SLC44A5: variants seen among roughly 807,000 people sequenced by gnomAD.
SLC44A5 encodes choline transporter-like protein 5.
A neutral mutation model predicts 101.8 loss-of-function variants in SLC44A5; 57 were observed. The ratio of observed to expected loss-of-function variants is 0.56; its 90% confidence interval spans 0.45 to 0.70. SLC44A5 has a LOEUF of 0.70. Ranked by LOEUF, SLC44A5 falls within the 30% of genes least tolerant of loss-of-function variation. SLC44A5 has a pLI of 0.00. For missense variants in SLC44A5, 737 were observed against 853.1 expected (o/e 0.86, Z 1.70); for synonymous variants, 281 against 290.9 (o/e 0.97, Z 0.35).
chr1:75,498,194 C>A (rs1668773901), intron 2 of SLC44A5, among the ~76,000 whole-genome samples: 1 of 152,088 alleles, frequency 6.6e-6, no homozygotes, highest in Admixed American at 6.5e-5. Context: ...GCCATTCATT[C>A]ACTCATTCAT....
intron 6 of SLC44A5, among the ~76,000 whole-genome samples, chr1:75,266,091 TTAGA>T (rs1650962900): frequency 6.6e-6 from 1 of 152,218 alleles, no homozygotes; most frequent in East Asian, 1.9e-4. Context: ...GTCTTTTTGG[TTAGA>T]TAAAGCACAA....
intron 2 of SLC44A5, among the ~76,000 whole-genome samples, chr1:75,411,453 C>A (rs1017310672): frequency 1.3e-5 from 2 of 151,988 alleles, no homozygotes; most frequent in African/African-American, 4.8e-5. Context: ...AAAACAATAT[C>A]AATACTTCAG....
At chr1:75,281,880 A>C (rs998317850) in intron 5 of SLC44A5, among the ~76,000 whole-genome samples, 1 of 152,194 alleles carries the variant, frequency 6.6e-6, no homozygotes. Context: ...TCCAGGCAGA[A>C]GTTTGCTTTG....
At chr1:75,359,968 T>C (rs914433307) in intron 3 of SLC44A5, among the ~76,000 whole-genome samples, 1 of 152,236 alleles carries the variant, frequency 6.6e-6, no homozygotes, top group Non-Finnish European at 1.5e-5. Context: ...ATATCTTTTT[T>C]TGAGAAATGT....
intron 2 of SLC44A5, among the ~76,000 whole-genome samples, chr1:75,501,823 A>C (rs944025849): frequency 1.3e-5 from 2 of 152,234 alleles, no homozygotes; most frequent in African/African-American, 2.4e-5. Context: ...GAAATGACAG[A>C]TGCCAATGAA....
intron 11 of SLC44A5, among the ~76,000 whole-genome samples, chr1:75,235,721 C>G (rs1648014963): frequency 6.6e-6 from 1 of 152,052 alleles, no homozygotes; most frequent in African/African-American, 2.4e-5. Context: ...CATATAGTTA[C>G]ATGCATCTAT....
At chr1:75,331,572 G>T (rs1480444657) in intron 4 of SLC44A5, among the ~76,000 whole-genome samples, 1 of 152,018 alleles carries the variant, frequency 6.6e-6, no homozygotes, top group East Asian at 1.9e-4. Flanking sequence ...TCTGATTTTG[G>T]ACACTTAAAT....
intron 2 of SLC44A5, among the ~76,000 whole-genome samples, chr1:75,515,370 A>G (rs947646732): frequency 6.7e-6 from 1 of 150,246 alleles, no homozygotes; most frequent in Non-Finnish European, 1.5e-5. Flanking sequence ...ATAGATGTCA[A>G]AAAAAAAAGC....
intron 17 of SLC44A5, 120 bp from the exon 18 acceptor site, chr1:75,218,080 T>A (rs960648368): frequency 1.0e-5 from 7 of 685,486 alleles, no homozygotes; most frequent in Non-Finnish European, 1.8e-5. Flanking sequence ...AAGAGACTTT[T>A]GCACTCTCTT....
At chr1:75,599,541 A>T (rs1674850459) in intron 1 of SLC44A5, among the ~76,000 whole-genome samples, 1 of 152,178 alleles carries the variant, frequency 6.6e-6, no homozygotes, top group African/African-American at 2.4e-5. Context: ...ATTTAAATTG[A>T]TATAAGAGCA....
intron 2 of SLC44A5, among the ~76,000 whole-genome samples, chr1:75,439,672 A>G (rs748985837): frequency 6.6e-5 from 10 of 152,162 alleles, no homozygotes; most frequent in Non-Finnish European, 1.3e-4. Flanking sequence ...AAAACACAAT[A>G]TGTAATATTA....
chr1:75,469,484 TTTC>T (rs200702981), intron 2 of SLC44A5, among the ~76,000 whole-genome samples: 1,638 of 152,282 alleles, frequency 0.011, 13 homozygotes, highest in Middle Eastern at 0.034. Context: ...GTGTAGTGAA[TTTC>T]TTCTTCTTTC....
chr1:75,613,181 CAGAG>C (rs1169882338), upstream of SLC44A5, among the ~76,000 whole-genome samples: 1 of 152,174 alleles, frequency 6.6e-6, no homozygotes, highest in Non-Finnish European at 1.5e-5. Flanking sequence ...TGTAGCTAAG[CAGAG>C]AAGCAGCTCT....
At chr1:75,247,504 G>A (rs80275582) in intron 7 of SLC44A5, among the ~76,000 whole-genome samples, 7,831 of 152,154 alleles carry the variant, frequency 0.051, 248 homozygotes, top group Middle Eastern at 0.13. Context: ...TGAGAAGTCA[G>A]CAAGTAGATG....
intron 2 of SLC44A5, among the ~76,000 whole-genome samples, chr1:75,540,015 G>A (rs888198262): frequency 5.9e-5 from 9 of 151,960 alleles, no homozygotes; most frequent in African/African-American, 2.2e-4. Context: ...GGTATTGTTA[G>A]ACATGGTAGA....
rs1669208099 is a variant in SLC44A5 at position 75,505,601 on chromosome 1, T to C, written c.13+35834A>G. Among the ~76,000 whole-genome samples, 4 of 152,162 alleles carry C rather than the reference T, an allele frequency of 2.6e-5. No homozygotes were observed. The South Asian group carries it at 8.3e-4, about 32-fold the overall frequency. Reference sequence around the variant, plus strand: ...GGTTTGATTTTCATGCCTCTGATGATTAACGGTATGGAGCATTTATTCATA... The same window carrying C: ...GGTTTGATTTTCATGCCTCTGATGACTAACGGTATGGAGCATTTATTCATA... On this transcript the variant is annotated intron_variant, in intron 2 of 23. Coordinates refer to ENST00000370859, the MANE Select transcript of SLC44A5 (RefSeq NM_001130058.2).
At chr1:75,567,796 A>C (rs1672867693) in intron 1 of SLC44A5, among the ~76,000 whole-genome samples, 1 of 152,226 alleles carries the variant, frequency 6.6e-6, no homozygotes, top group African/African-American at 2.4e-5. Context: ...TTACGAGATT[A>C]TTTAAGCTTT....
intron 22 of SLC44A5, 141 bp downstream of exon 22, chr1:75,213,564 C>T: frequency 1.6e-6 from 1 of 644,374 alleles, no homozygotes; most frequent in South Asian, 1.9e-5. Context: ...GGACCCTCAC[C>T]AGAAATCAAG....
intron 4 of SLC44A5, among the ~76,000 whole-genome samples, chr1:75,335,056 T>C (rs1381093637): frequency 1.3e-5 from 2 of 152,202 alleles, no homozygotes; most frequent in Non-Finnish European, 2.9e-5. Flanking sequence ...GGTACTAATT[T>C]CTCCAATGAG....
Sources: gnomAD v4.1 joint callset for allele counts (sites outside exome capture counted in the v4.1 genomes callset) on GRCh38, gnomAD v4.1.1 for gene constraint, MANE v1.5 for transcripts, NCBI Gene and HGNC (gene_info 2026-07-23, HGNC 2026-07-21) for gene names.